Variants in FBXW8 observed in about 807,000 individuals in gnomAD.
FBXW8 encodes F-box and WD repeat domain containing 8, also known as F-box/WD repeat-containing protein 8.
A neutral mutation model predicts 65.3 loss-of-function variants in FBXW8; 57 were observed. That is an observed-to-expected ratio of 0.87 (90% CI 0.71 to 1.09). The LOEUF is 1.09. Ranked by LOEUF, FBXW8 falls within the 50% of genes least tolerant of loss-of-function variation. FBXW8 has a pLI of 0.00. For missense variants in FBXW8, 777 were observed against 814.8 expected (o/e 0.95, Z 0.57); for synonymous variants, 308 against 330.2 (o/e 0.93, Z 0.73).
chr12:116,975,281 TTA>T (rs138310702), intron 5 of FBXW8, among the ~76,000 whole-genome samples: 4,333 of 152,328 alleles, frequency 0.028, 181 homozygotes, highest in East Asian at 0.19. Flanking sequence ...ACTGGGTGAC[TTA>T]TAAACAACAG....
intron 5 of FBXW8, 92 bp from the exon 6 acceptor site, chr12:116,985,113 TA>T: frequency 1.7e-6 from 2 of 1,154,338 alleles, no homozygotes; most frequent in Non-Finnish European, 2.4e-6. Flanking sequence ...GTATCTCCGT[TA>T]AAAAATTTTC....
At chr12:117,027,860 C>T (rs1427351020) in intron 10 of FBXW8, among the ~76,000 whole-genome samples, 168 bp from the exon 11 acceptor site, 3 of 152,234 alleles carry the variant, frequency 2.0e-5, no homozygotes, top group South Asian at 2.1e-4. Flanking sequence ...CCACGTTGAC[C>T]GCTAAGCCGG....
At chr12:116,985,514 C>T (rs1885617710) in intron 6 of FBXW8, 112 bp downstream of exon 6, 2 of 1,029,620 alleles carry the variant, frequency 1.9e-6, no homozygotes, top group South Asian at 1.7e-5. Flanking sequence ...TTCCTGCGGG[C>T]CTTACCTCCA....
chr12:116,934,300 C>T (rs996707678), intron 2 of FBXW8, among the ~76,000 whole-genome samples: 1 of 152,072 alleles, frequency 6.6e-6, no homozygotes, highest in Non-Finnish European at 1.5e-5. Flanking sequence ...AGTTGTCCCT[C>T]GAGGGACTTA....
chr12:116,925,837 T>G (rs1473388551), intron 1 of FBXW8, among the ~76,000 whole-genome samples: 1 of 152,240 alleles, frequency 6.6e-6, no homozygotes, highest in Non-Finnish European at 1.5e-5. Context: ...GTTATATCTC[T>G]TTTACAGATG....
chr12:116,977,525 C>T (rs1885029698), intron 5 of FBXW8: 1 of 152,178 alleles, frequency 6.6e-6, no homozygotes, highest in South Asian at 2.1e-4. Context: ...GTACCCATCA[C>T]TCAGCTTCAG....
Position 117,018,662 on chromosome 12 carries a change from A to AG in FBXW8, c.1368-5479dup, listed in dbSNP as rs1276195328. Among the ~76,000 whole-genome samples the AG allele has an allele frequency of 1.2e-4, 19 of 152,206 alleles. No homozygotes were observed. In the East Asian group the frequency reaches 1.5e-3, roughly 12 times the overall value. ...CAGAAAAATGTTTTTCCTTTTTCCC[A>AG]GGGGGGAGAAATTCAAGGCTGGTTT... On this transcript the variant is annotated intron_variant, in intron 8 of 10. Coordinates refer to ENST00000652555, the MANE Select transcript of FBXW8 (RefSeq NM_153348.3).
chr12:116,952,373 T>C (rs1302305257), intron 4 of FBXW8, among the ~76,000 whole-genome samples: 1 of 152,224 alleles, frequency 6.6e-6, no homozygotes, highest in Non-Finnish European at 1.5e-5. Context: ...AAATTCACTC[T>C]TTCAAAGTGT....
At chr12:116,954,002 T>C (rs943365343) in intron 4 of FBXW8, among the ~76,000 whole-genome samples, 11 of 150,150 alleles carry the variant, frequency 7.3e-5, no homozygotes, top group African/African-American at 2.7e-4. Flanking sequence ...TAATCCTAGC[T>C]ACTTGGGAGG....
At chr12:116,934,931 A>C (rs1263049480) in intron 2 of FBXW8, among the ~76,000 whole-genome samples, 2 of 152,156 alleles carry the variant, frequency 1.3e-5, no homozygotes, top group Non-Finnish European at 2.9e-5. Flanking sequence ...TGACGGCCAC[A>C]CTGGCCTCAA....
intron 5 of FBXW8, among the ~76,000 whole-genome samples, chr12:116,973,800 A>T (rs922142114): frequency 2.0e-5 from 3 of 152,218 alleles, no homozygotes; most frequent in Non-Finnish European, 2.9e-5. Context: ...ACAGTTGGCA[A>T]TGGGATCTGA....
intron 7 of FBXW8, among the ~76,000 whole-genome samples, chr12:116,990,783 C>T (rs1257246885): frequency 6.6e-6 from 1 of 152,130 alleles, no homozygotes. Flanking sequence ...AAATTTCCAA[C>T]TCAACTAAAA....
intron 1 of FBXW8, among the ~76,000 whole-genome samples, chr12:116,921,176 AAAAG>A (rs1300071971): frequency 3.3e-5 from 5 of 152,342 alleles, no homozygotes; most frequent in African/African-American, 1.2e-4. Flanking sequence ...TTCTCGTAAA[AAAAG>A]GATAAATCAA....
At chr12:116,967,449 T>C (rs1884396140) in intron 5 of FBXW8, among the ~76,000 whole-genome samples, 1 of 152,252 alleles carries the variant, frequency 6.6e-6, no homozygotes, top group African/African-American at 2.4e-5. Flanking sequence ...CTGCAGGCTT[T>C]GGCTGCTTTA....
At chr12:116,947,750 A>AAAAAAAAG (rs1555218999) in intron 3 of FBXW8, among the ~76,000 whole-genome samples, 4 of 137,658 alleles carry the variant, frequency 2.9e-5, no homozygotes, top group East Asian at 2.1e-4. Flanking sequence ...AAAAAAAAAA[A>AAAAAAAAG]AAAAGAAAAG....
In FBXW8 at chr12:117,028,116, G is replaced by A. The variant is rs139120742; in HGVS notation, c.1741G>A (p.Ala581Thr). 8.1e-6 allele frequency: 13 copies of A among 1,613,978 alleles called. No homozygotes were observed. Among genetic ancestry groups the A allele is most frequent in the South Asian group, 6.6e-5 (6 of 91,080 alleles). The change falls in exon 11 of 11, where the codon GCC becomes ACC. Residue 581 changes from alanine to threonine, a missense_variant. Physicochemically the swap from Ala to Thr is moderately conservative, Grantham distance 58. Coordinates refer to ENST00000652555, the MANE Select transcript of FBXW8 (RefSeq NM_153348.3). This position sits in a 1 kb window ranked among gnomAD's most constrained non-coding sequence, Gnocchi z 4.1. Reference sequence around the variant, plus strand: ...CCCTGTCTGCCGTTCATCCTGTGACGCCATGGCCACTCACTACTACGACCT... The same window carrying A: ...CCCTGTCTGCCGTTCATCCTGTGACACCATGGCCACTCACTACTACGACCT... ...PLPVCRSSCD[A>T]MATHYYDLAL...
intron 2 of FBXW8, among the ~76,000 whole-genome samples, chr12:116,937,853 C>CT (rs11429387): frequency 0.69 from 102,082 of 147,190 alleles, 39,253 homozygotes; most frequent in Non-Finnish European, 0.86. Context: ...GAGCCAACAG[C>CT]TTTTTTTTTT....
rs149040764 is a variant in FBXW8, at chr12:116,945,411, C to T, written c.471C>T (p.Tyr157=). 1.9e-4 allele frequency: 314 copies of T among 1,614,000 alleles called. 1 individual carries two copies. In the African/African-American group the frequency reaches 3.8e-3, roughly 20 times the overall value. Residue 157 remains tyrosine (Y), a synonymous_variant, in exon 3 of 11, where the codon TAC becomes TAT. Transcript: ENST00000652555. ...TTGCAGAGGATGAGGTGCTGTGGTA[C>T]AGGCTGTGCCAGCAGGAAGGGCACC... ...KVIAEDEVLW[Y]RLCQQEGHLP...
At chr12:116,938,950 C>T (rs765716766) in intron 2 of FBXW8, among the ~76,000 whole-genome samples, 5 of 152,110 alleles carry the variant, frequency 3.3e-5, no homozygotes, top group Non-Finnish European at 7.4e-5. Flanking sequence ...TGTCACATGC[C>T]AAAGGTTTTG....
Sources: gnomAD v4.1 joint callset for allele counts (sites outside exome capture counted in the v4.1 genomes callset) on GRCh38, gnomAD v4.1.1 for gene constraint, Gnocchi (gnomAD v3.1) non-coding constraint, MANE v1.5 for transcripts, NCBI Gene and HGNC (gene_info 2026-07-23, HGNC 2026-07-21) for gene names.